Variants in STUB1 observed in about 807,000 individuals in gnomAD.
STUB1 encodes E3 ubiquitin-protein ligase CHIP.
A neutral mutation model predicts 40.3 loss-of-function variants in STUB1; 37 were observed. That is an observed-to-expected ratio of 0.92 (90% confidence interval 0.71 to 1.21). The LOEUF is 1.21. Ranked by LOEUF, STUB1 falls within the 50% of genes most tolerant of loss-of-function variation. STUB1 has a pLI of 0.00. For synonymous variants in STUB1, 246 were observed against 171.9 expected (o/e 1.43, Z -3.37); for missense variants, 460 against 421.9 (o/e 1.09, Z -0.79).
rs2039691550 is a variant in STUB1 at position 682,177 on chromosome 16, C to T, written c.682C>T (p.Pro228Ser). The T allele has an allele frequency of 5.6e-6, 9 of 1,607,866 alleles. No individual in the cohort carries two copies. The highest frequency in any genetic ancestry group is 7.7e-6 in the Non-Finnish European group (9 of 1,175,210). The change falls in exon 6 of 7, where the codon CCC becomes TCC. Residue 228 changes from proline to serine, a missense_variant. Pro to Ser is a moderately conservative substitution (Grantham distance 74, BLOSUM62 -1). Coordinates refer to ENST00000219548, the MANE Select transcript of STUB1 (RefSeq NM_005861.4). ...VDEKRKKRDI[P>S]DYLCGKISFE... is the part of the protein sequence containing the mutation. ...CCCTGTGCCACAGAAGCGAGACATCCCCGACTACCTGTGTGGCAAGATCAG... is the reference window on the plus strand; with the variant it reads ...CCCTGTGCCACAGAAGCGAGACATCTCCGACTACCTGTGTGGCAAGATCAG...
intron 3 of STUB1, 45 bp from the exon 4 acceptor site, chr16:681,746 GAC>G (rs2039662906): frequency 1.2e-5 from 18 of 1,561,312 alleles, no homozygotes; most frequent in Non-Finnish European, 1.5e-5. Flanking sequence ...GGTGTGGTCA[GAC>G]ATCTGGCCAG....
rs201741662 is a variant in STUB1, at chr16:681,890, C to T, written c.612+10C>T. 1.1e-5 allele frequency: 17 copies of T among 1,612,234 alleles called. No individual in the cohort carries two copies. In the African/African-American group the frequency reaches 1.1e-4, roughly 10 times the overall value. On this transcript the variant is annotated intron_variant, in intron 4 of 6. Transcript: ENST00000219548. The stretch of plus-strand genomic sequence containing the variant: ...CATTGAGGCCAAGCACGTGAGGGTG[C>T]CCCCCACCCACATGTGGGTCTGTGT...
chr16:681,019 C>G (rs749231230), intron 1 of STUB1, 133 bp from the exon 2 acceptor site: 2 of 926,230 alleles, frequency 2.2e-6, no homozygotes, highest in South Asian at 3.4e-5. Flanking sequence ...GATCCTTGGA[C>G]CCAGGGGCTT....
intron 3 of STUB1, 79 bp downstream of exon 3, chr16:681,682 C>T (rs574135957): frequency 1.9e-6 from 3 of 1,559,474 alleles, no homozygotes; most frequent in African/African-American, 1.4e-5. Flanking sequence ...TTATCGAAGG[C>T]TTTACTGGCA....
Position 681,592 on chromosome 16 carries a change from G to C in STUB1, c.513G>C (p.Ala171=). ...LHSYLSRLIA[A]ERERELEECQ... is the part of the protein sequence containing the mutation. ...CCTACCTCTCCAGGCTCATTGCCGC[G>C]GAGCGTGAGAGGTGGGACCCTCACC... The change falls in exon 3 of 7, where the codon GCG becomes GCC. Residue 171 remains alanine (A), a synonymous_variant. Transcript: ENST00000219548. 6.2e-7 allele frequency: 1 copy of C among 1,608,206 alleles called. No individual in the cohort carries two copies. The highest frequency in any genetic ancestry group is 1.3e-5 in the African/African-American group (1 of 74,968).
intron 5 of STUB1, 40 bp from the exon 6 acceptor site, chr16:682,125 G>GC: frequency 6.3e-7 from 1 of 1,589,300 alleles, no homozygotes; most frequent in East Asian, 2.3e-5. Flanking sequence ...CTCGTGCAGT[G>GC]CCCCTTTTCA....
Position 680,644 on chromosome 16 carries a change from GA to G in STUB1, c.122del (p.Lys41SerfsTer31). On this transcript the variant is annotated frameshift_variant, in exon 1 of 7. Transcript: ENST00000219548. LOFTEE classifies it high-confidence loss of function. The surrounding 1 kb of genome is among the most constrained non-coding windows in gnomAD (Gnocchi z 4.9). ...KEQGNRLFVG[R>X]KYPEAAACYG... ...CAGGGCAATCGTCTGTTCGTGGGCCGAAAGTACCCGGAGGCGGCGGCCTGCT... is the reference window on the plus strand; with the variant it reads ...CAGGGCAATCGTCTGTTCGTGGGCCGAAGTACCCGGAGGCGGCGGCCTGCT... 2 of 1,339,802 alleles carry G rather than the reference GA, an allele frequency of 1.5e-6. No individual in the cohort carries two copies. Among genetic ancestry groups the G allele is most frequent in the Non-Finnish European group, 1.9e-6 (2 of 1,035,368 alleles). 83.0% of individuals were successfully genotyped at this position (1,339,802 alleles called of 1,614,324 possible).
At position 681,164 on chromosome 16, in the gene STUB1, C is replaced by G. The variant is rs2039644347; in HGVS notation, c.172C>G (p.Leu58Val). 6.4e-7 allele frequency: 1 copy of G among 1,564,488 alleles called. No homozygotes were observed. Among genetic ancestry groups the G allele is most frequent in the Non-Finnish European group, 8.7e-7 (1 of 1,155,206 alleles). The change falls in exon 2 of 7, where the codon CTG becomes GTG. Residue 58 changes from leucine (L) to valine (V), a missense_variant. Transcript: ENST00000219548. Reference protein sequence around the residue: ...CYGRAITRNPLVAVYYTNRAL... With the variant: ...CYGRAITRNPVVAVYYTNRAL... ...CCTTGGTCCCTAGACCCGGAACCCG[C>G]TGGTGGCCGTGTATTACACCAACCG...
Position 680,662 on chromosome 16 carries a change from C to T in STUB1, c.137C>T (p.Ala46Val). The change falls in exon 1 of 7, where the codon GCG becomes GTG. Residue 46 changes from alanine to valine, a missense_variant. Physicochemically the swap from Ala to Val is moderately conservative, Grantham distance 64. Transcript: ENST00000219548. The surrounding 1 kb of genome is among the most constrained non-coding windows in gnomAD (Gnocchi z 4.9). ...GTGGGCCGAAAGTACCCGGAGGCGG[C>T]GGCCTGCTACGGCCGCGCGATCGTG... is the stretch of plus-strand genomic sequence containing the variant. ...LFVGRKYPEA[A>V]ACYGRAITRN... The T allele has an allele frequency of 2.3e-6, 3 of 1,284,736 alleles. No individual in the cohort carries two copies. The highest frequency in any genetic ancestry group is 2.0e-6 in the Non-Finnish European group (2 of 1,007,394). The allele number at this position is 1,284,736 out of a possible 1,614,324, so 79.6% of individuals were successfully genotyped here. A position where few individuals can be genotyped will look rare whatever the true frequency, so the allele number is the denominator to read the frequency against.
In STUB1 at chr16:681,221, G is replaced by A. The variant is rs1285950965; in HGVS notation, c.229G>A (p.Glu77Lys). ...ALCYLKMQQH[E>K]QALADCRRAL... is the part of the protein sequence containing the mutation. Reference sequence around the variant, plus strand: ...GTGCTACCTGAAGATGCAGCAGCACGAGCAGGCCCTGGCCGACTGCCGGCG... The same window carrying A: ...GTGCTACCTGAAGATGCAGCAGCACAAGCAGGCCCTGGCCGACTGCCGGCG... Residue 77 changes from glutamate to lysine, a missense_variant, in exon 2 of 7, where the codon GAG (glutamate) becomes AAG (lysine). Glu to Lys is a moderately conservative substitution (Grantham distance 56). Transcript: ENST00000219548. 1.9e-6 allele frequency: 3 copies of A among 1,610,816 alleles called. No individual in the cohort carries two copies. The highest frequency in any genetic ancestry group is 2.5e-6 in the Non-Finnish European group (3 of 1,179,118).
In STUB1 at chr16:681,487, C is replaced by T. The variant is rs756646403; in HGVS notation, c.408C>T (p.Pro136=). 4 of 1,612,692 alleles carry T rather than the reference C, an allele frequency of 2.5e-6. No individual in the cohort carries two copies. The South Asian group carries it at 3.3e-5, about 13-fold the overall frequency. The change falls in exon 3 of 7, where the codon CCC becomes CCT. Residue 136 remains proline, a synonymous_variant. Coordinates refer to ENST00000219548, the MANE Select transcript of STUB1 (RefSeq NM_005861.4). ...EQRLNFGDDI[P]SALRIAKKKR... ...GGCTGAACTTCGGGGACGACATCCC[C>T]AGCGCTCTTCGAATCGCGAAGAAGA...
rs2039647779 is a variant in STUB1 at position 681,298 on chromosome 16, G to A, written c.306G>A (p.Gln102=). ...QSVKAHFFLG[Q]CQLEMESYDE... ...TGAAGGCGCACTTCTTCCTGGGGCA[G>A]TGCCAGCTGGAGATGGAGAGCTATG... Residue 102 remains glutamine (Q), a synonymous_variant, in exon 2 of 7, where the codon CAG becomes CAA. Transcript: ENST00000219548. The A allele has an allele frequency of 6.2e-7, 1 of 1,612,920 alleles. No individual in the cohort carries two copies. The highest frequency in any genetic ancestry group is 8.5e-7 in the Non-Finnish European group (1 of 1,179,996).
In STUB1 at chr16:682,497, T is replaced by C. The variant is rs1433183550; in HGVS notation, c.*8T>C. ...TGGGTGGAGGACTACTGAGGTTCCC[T>C]GCCCTACCTGGCGTCCTGGTCCAGG... On this transcript the variant is annotated 3_prime_UTR_variant, in exon 7 of 7. Transcript: ENST00000219548. The C allele has an allele frequency of 1.2e-6, 2 of 1,612,972 alleles. No individual in the cohort carries two copies. Among genetic ancestry groups the C allele is most frequent in the Admixed American group, 3.3e-5 (2 of 60,008 alleles).
chr16:682,238 G>C lies in STUB1; in HGVS notation c.743G>C (p.Ser248Thr). 6.2e-7 allele frequency: 1 copy of C among 1,613,044 alleles called. No individual in the cohort carries two copies. Among genetic ancestry groups the C allele is most frequent in the East Asian group, 2.2e-5 (1 of 44,886 alleles). ...ELMREPCITP[S>T]GITYDRKDIE... ...ATGCGGGAGCCGTGCATCACGCCCA[G>C]TGGCATCACCTACGACCGCAAGGAC... Residue 248 changes from serine (S) to threonine (T), a missense_variant, in exon 6 of 7, where the codon AGT becomes ACT. Physicochemically the swap from Ser to Thr is moderately conservative, Grantham distance 58. Transcript: ENST00000219548.
rs1379548022 is a variant in STUB1, at chr16:681,895, C to G, written c.612+15C>G. The stretch of plus-strand genomic sequence containing the variant: ...AGGCCAAGCACGTGAGGGTGCCCCC[C>G]ACCCACATGTGGGTCTGTGTGTGTG... On this transcript the variant is annotated intron_variant, in intron 4 of 6. Coordinates refer to ENST00000219548, the MANE Select transcript of STUB1 (RefSeq NM_005861.4). 1 of 1,612,986 alleles carries G rather than the reference C, an allele frequency of 6.2e-7. No homozygotes were observed.
In STUB1 at chr16:681,862, C is replaced by T. The variant is rs1373894497; in HGVS notation, c.594C>T (p.Ala198=). Residue 198 remains alanine, a synonymous_variant, in exon 4 of 7, where the codon GCC becomes GCT. Transcript: ENST00000219548. Reference sequence around the variant, plus strand: ...ACAGCCACGTCCGGGCCCAGCAGGCCTGCATTGAGGCCAAGCACGTGAGGG... The same window carrying T: ...ACAGCCACGTCCGGGCCCAGCAGGCTTGCATTGAGGCCAAGCACGTGAGGG... ...EDDSHVRAQQ[A]CIEAKHDKYM... 1.2e-6 allele frequency: 2 copies of T among 1,612,804 alleles called. No homozygotes were observed. Among genetic ancestry groups the T allele is most frequent in the South Asian group, 2.2e-5 (2 of 91,080 alleles).
At position 680,574 on chromosome 16, in the gene STUB1, G is replaced by C; in HGVS notation, c.49G>C (p.Gly17Arg). The C allele has an allele frequency of 7.2e-7, 1 of 1,383,976 alleles. No individual in the cohort carries two copies. The highest frequency in any genetic ancestry group is 9.4e-7 in the Non-Finnish European group (1 of 1,058,808). The allele number at this position is 1,383,976 out of a possible 1,614,324, so 85.7% of individuals were successfully genotyped here. The change falls in exon 1 of 7, where the codon GGC becomes CGC. Residue 17 changes from glycine (G) to arginine (R), a missense_variant. Coordinates refer to ENST00000219548, the MANE Select transcript of STUB1 (RefSeq NM_005861.4). The surrounding 1 kb of genome is among the most constrained non-coding windows in gnomAD (Gnocchi z 4.9). ...GGGCGGCGCACGGCTGGGCGCTGGC[G>C]GCGGAAGCCCCGAGAAGAGCCCGAG... ...KEGGARLGAG[G>R]GSPEKSPSAQ... is the part of the protein sequence containing the mutation.
At position 680,540 on chromosome 16, in the gene STUB1, G is replaced by A. The variant is rs778376720; in HGVS notation, c.15G>A (p.Glu5=). 4 of 1,332,020 alleles carry A rather than the reference G, an allele frequency of 3.0e-6. No individual in the cohort carries two copies. In the Admixed American group the frequency reaches 1.0e-4, roughly 35 times the overall value. 82.5% of individuals were successfully genotyped at this position (1,332,020 alleles called of 1,614,324 possible). The change falls in exon 1 of 7, where the codon GAG becomes GAA. Residue 5 remains glutamate (E), a synonymous_variant. Coordinates refer to ENST00000219548, the MANE Select transcript of STUB1 (RefSeq NM_005861.4). This position sits in a 1 kb window ranked among gnomAD's most constrained non-coding sequence, Gnocchi z 4.9. ...CGCGCGGCGCCATGAAGGGCAAGGA[G>A]GAGAAGGAGGGCGGCGCACGGCTGG... MKGK[E]EKEGGARLGA...
chr16:681,292 G>C lies in STUB1; in HGVS notation c.300G>C (p.Leu100=). Residue 100 remains leucine (L), a synonymous_variant, in exon 2 of 7, where the codon CTG becomes CTC. Coordinates refer to ENST00000219548, the MANE Select transcript of STUB1 (RefSeq NM_005861.4). The stretch of plus-strand genomic sequence containing the variant: ...AGTCTGTGAAGGCGCACTTCTTCCT[G>C]GGGCAGTGCCAGCTGGAGATGGAGA... The part of the protein sequence containing the change: ...DGQSVKAHFF[L]GQCQLEMESY... 6.2e-7 allele frequency: 1 copy of C among 1,612,910 alleles called. No homozygotes were observed. Among genetic ancestry groups the C allele is most frequent in the Non-Finnish European group, 8.5e-7 (1 of 1,179,988 alleles).
Sources: allele counts gnomAD v4.1 joint callset, GRCh38; gene constraint gnomAD v4.1.1; non-coding constraint Gnocchi (gnomAD v3.1); transcripts MANE v1.5; gene names NCBI Gene and HGNC (gene_info 2026-07-23, HGNC 2026-07-21).